Variants in GRM8 observed in about 807,000 individuals in gnomAD.
GRM8 encodes metabotropic glutamate receptor 8.
A neutral mutation model predicts 87.2 loss-of-function variants in GRM8; 47 were observed. The observed-to-expected ratio is 0.54, with a 90% CI of 0.43 to 0.69. The LOEUF (loss-of-function observed/expected upper bound fraction) is 0.69, where lower values mean the gene tolerates loss of function less well. GRM8 is among the 30% of genes least tolerant of loss of function. The probability of loss-of-function intolerance (pLI) is 0.00; values close to 1 mark genes in which losing one functional copy is unlikely to be tolerated. For missense variants in GRM8, 1,019 were observed against 1,139.2 expected, an observed-to-expected ratio of 0.89 and a Z score of 1.52; for synonymous variants, 396 against 404.5, an observed-to-expected ratio of 0.98 and a Z score of 0.25.
At chr7:127,068,547 C>T (rs903914442) in intron 3 of GRM8, among the ~76,000 whole-genome samples, 4 of 152,184 alleles carry the variant, frequency 2.6e-5, no homozygotes, top group African/African-American at 9.7e-5. Flanking sequence ...TCAACTAGAA[C>T]TGGGGCACAC....
chr7:126,712,008 C>T (rs886118029), intron 7 of GRM8, among the ~76,000 whole-genome samples: 1 of 152,180 alleles, frequency 6.6e-6, no homozygotes, highest in African/African-American at 2.4e-5. Context: ...ACTGGAGTAG[C>T]ACTTTTAATT....
chr7:127,125,254 A>G lies in GRM8; in HGVS notation c.511-18542T>C, dbSNP rs545066633. Among the ~76,000 whole-genome samples, 137 of 152,262 alleles carry G rather than the reference A, an allele frequency of 9.0e-4. 1 individual carries two copies. The highest frequency in any genetic ancestry group is 6.8e-3 in the Middle Eastern group (2 of 294). Reference sequence around the variant, plus strand: ...AACAAACTATAAAACTACAGTAATCAACAAAGCAAAGATTGGCATAAAGCT... The same window carrying G: ...AACAAACTATAAAACTACAGTAATCGACAAAGCAAAGATTGGCATAAAGCT... On this transcript the variant is annotated intron_variant, in intron 2 of 10. Transcript: ENST00000339582.
chr7:126,852,805 TTTA>T, intron 6 of GRM8, among the ~76,000 whole-genome samples: 1 of 152,130 alleles, frequency 6.6e-6, no homozygotes. Context: ...TTTCTGTATA[TTTA>T]TTTTCATATA....
chr7:127,025,871 C>T (rs1816728362), intron 3 of GRM8, among the ~76,000 whole-genome samples: 1 of 151,966 alleles, frequency 6.6e-6, no homozygotes, highest in Admixed American at 6.6e-5. Flanking sequence ...TATATATATA[C>T]TTTAAGTTCT....
At chr7:126,832,644 A>G (rs1244033120) in intron 6 of GRM8, among the ~76,000 whole-genome samples, 1 of 152,248 alleles carries the variant, frequency 6.6e-6, no homozygotes, top group Non-Finnish European at 1.5e-5. Context: ...AACTACTGTT[A>G]CAAAAAGGGA....
intron 6 of GRM8, among the ~76,000 whole-genome samples, chr7:126,870,923 T>C (rs1382347079): frequency 6.6e-6 from 1 of 152,210 alleles, no homozygotes; most frequent in East Asian, 1.9e-4. Context: ...GGCATGCCTG[T>C]AGCATATGAA....
intron 3 of GRM8, among the ~76,000 whole-genome samples, chr7:126,910,880 C>T (rs778276772): frequency 1.3e-5 from 2 of 152,140 alleles, no homozygotes; most frequent in Non-Finnish European, 2.9e-5. Flanking sequence ...AGAAAATAGA[C>T]TTGTCAGAAG....
At chr7:126,733,688 G>A (rs763754762) in intron 7 of GRM8, among the ~76,000 whole-genome samples, 25 of 151,988 alleles carry the variant, frequency 1.6e-4, no homozygotes, top group Non-Finnish European at 3.4e-4. Context: ...TCATCATGTT[G>A]ATAGGTGACA....
At chr7:126,595,214 G>GT (rs964846694) in intron 8 of GRM8, among the ~76,000 whole-genome samples, 1 of 151,080 alleles carries the variant, frequency 6.6e-6, no homozygotes, top group Non-Finnish European at 1.5e-5. Flanking sequence ...GTGGATTTTT[G>GT]TTTTTTTGGT....
Position 126,685,749 on chromosome 7 carries a change from C to T in GRM8, c.1358-76251G>A, listed in dbSNP as rs894113312. ...GGACAGCGGGGTACTGGCCTGCAGG[C>T]GCCCCTTGGCATGAACGGTCTGGGT... On this transcript the variant is annotated intron_variant, in intron 7 of 10. Transcript: ENST00000339582. The surrounding 1 kb of genome is among the most constrained non-coding windows in gnomAD (Gnocchi z 4.2). 3.9e-5 allele frequency among the ~76,000 whole-genome samples: 6 copies of T among 152,174 alleles called. No homozygotes were observed. Among genetic ancestry groups the T allele is most frequent in the African/African-American group, 1.4e-4 (6 of 41,542 alleles).
chr7:126,565,694 TTTATA>T (rs1053711733), intron 8 of GRM8, among the ~76,000 whole-genome samples: 59 of 152,072 alleles, frequency 3.9e-4, no homozygotes, highest in African/African-American at 1.4e-3. Flanking sequence ...AATCCTAAAA[TTTATA>T]TTAAACTATA....
At chr7:127,223,688 G>A (rs1239412930) in intron 2 of GRM8, among the ~76,000 whole-genome samples, 1 of 152,098 alleles carries the variant, frequency 6.6e-6, no homozygotes, top group African/African-American at 2.4e-5. Flanking sequence ...CCACTCAGCA[G>A]TAATGAAGCC....
chr7:127,236,594 C>T (rs972502213), intron 2 of GRM8, among the ~76,000 whole-genome samples: 2 of 152,276 alleles, frequency 1.3e-5, no homozygotes, highest in African/African-American at 4.8e-5. Flanking sequence ...CCCCATGATT[C>T]AATTACCTCC....
At chr7:126,601,126 C>T (rs1260875015) in intron 8 of GRM8, among the ~76,000 whole-genome samples, 3 of 148,186 alleles carry the variant, frequency 2.0e-5, no homozygotes, top group South Asian at 4.3e-4. Context: ...ATTCCCCTTC[C>T]TGTGTCCATG....
Position 126,506,745 on chromosome 7 carries a change from C to T in GRM8, c.2430+26207G>A, listed in dbSNP as rs540619983. Among the ~76,000 whole-genome samples, 10 of 151,790 alleles carry T rather than the reference C, an allele frequency of 6.6e-5. 1 individual carries two copies. The South Asian group carries it at 2.1e-3, about 32-fold the overall frequency. ...CGAGAGCTGAGATCACACCAGTGCA[C>T]TCTAGCCTGGGCAACAGAGTAAGAC... On this transcript the variant is annotated intron_variant, in intron 9 of 10. Transcript: ENST00000339582.
At chr7:127,044,132 C>G (rs191745084) in intron 3 of GRM8, among the ~76,000 whole-genome samples, 211 of 152,342 alleles carry the variant, frequency 1.4e-3, no homozygotes, top group Non-Finnish European at 2.1e-3. Context: ...GGAGGGGAAG[C>G]TCAGAGCTCA....
chr7:127,201,229 T>C (rs1795571001), intron 2 of GRM8, among the ~76,000 whole-genome samples: 1 of 152,240 alleles, frequency 6.6e-6, no homozygotes, highest in Non-Finnish European at 1.5e-5. Flanking sequence ...ATACTGTTAC[T>C]AGTGCTTCAT....
chr7:127,203,668 A>C (rs1427418264), intron 2 of GRM8, among the ~76,000 whole-genome samples: 3 of 152,206 alleles, frequency 2.0e-5, no homozygotes, highest in Admixed American at 6.5e-5. Context: ...AGATTGTGCC[A>C]CTGTACTCCA....
intron 2 of GRM8, among the ~76,000 whole-genome samples, chr7:127,216,517 C>CAAAAAAAAAAAAAAAAAAAAAAAAAAA (rs58730624): frequency 3.2e-5 from 2 of 62,968 alleles, no homozygotes; most frequent in Non-Finnish European, 6.8e-5. Context: ...GACTCCGTCT[C>CAAAAAAAAAAAAAAAAAAAAAAAAAAA]AAAAAAAAAA....
Sources: gnomAD v4.1 joint callset for allele counts (sites outside exome capture counted in the v4.1 genomes callset) on GRCh38, gnomAD v4.1.1 for gene constraint, Gnocchi (gnomAD v3.1) non-coding constraint, MANE v1.5 for transcripts, NCBI Gene and HGNC (gene_info 2026-07-23, HGNC 2026-07-21) for gene names.